Variants in SPOCK3 observed in about 807,000 individuals in gnomAD.
SPOCK3 encodes SPARC (osteonectin), cwcv and kazal like domains proteoglycan 3, also known as testican-3.
Under a neutral mutation model 56.6 loss-of-function variants are expected in SPOCK3, and 30 were observed. That is an observed-to-expected ratio of 0.53 (90% CI 0.40 to 0.72). SPOCK3 has a LOEUF of 0.72. SPOCK3 is among the 30% of genes least tolerant of loss of function. The pLI is 0.00. For synonymous variants in SPOCK3, 196 were observed against 183.3 expected, an observed-to-expected ratio of 1.07 and a Z score of -0.56; for missense variants, 527 against 530.0, an observed-to-expected ratio of 0.99 and a Z score of 0.06.
At chr4:166,903,166 T>A (rs1255215817) in intron 5 of SPOCK3, among the ~76,000 whole-genome samples, 2 of 148,188 alleles carry the variant, frequency 1.3e-5, no homozygotes, top group Non-Finnish European at 3.0e-5. Flanking sequence ...TTATTAAAAA[T>A]TAATAAATAT....
chr4:166,913,178 A>G (rs549410464), intron 4 of SPOCK3, among the ~76,000 whole-genome samples: 152 of 152,316 alleles, frequency 1.0e-3, no homozygotes, highest in African/African-American at 3.2e-3. Context: ...GCTTACTTTT[A>G]GAGAAAACAG....
intron 9 of SPOCK3, 130 bp downstream of exon 9, chr4:166,741,867 G>C (rs1734876779): frequency 3.0e-6 from 2 of 675,128 alleles, no homozygotes; most frequent in Admixed American, 2.6e-5. Flanking sequence ...CTTTCAAAAA[G>C]TTCATAAATT....
At chr4:166,925,942 A>G (rs978718610) in intron 4 of SPOCK3, among the ~76,000 whole-genome samples, 6 of 152,186 alleles carry the variant, frequency 3.9e-5, no homozygotes, top group Non-Finnish European at 7.4e-5. Context: ...CACTTTAAAC[A>G]AGTATGCAAA....
chr4:166,945,310 C>T (rs1741594051), intron 4 of SPOCK3, among the ~76,000 whole-genome samples: 1 of 152,022 alleles, frequency 6.6e-6, no homozygotes, highest in Admixed American at 6.6e-5. Flanking sequence ...ATATAAATAC[C>T]TATATTTGCA....
chr4:167,203,293 A>T (rs1733698282), intron 2 of SPOCK3, among the ~76,000 whole-genome samples: 1 of 152,024 alleles, frequency 6.6e-6, no homozygotes. Flanking sequence ...GCTTCTACAT[A>T]AACTTTCTAG....
At chr4:166,998,667 G>C in intron 4 of SPOCK3, among the ~76,000 whole-genome samples, 1 of 152,002 alleles carries the variant, frequency 6.6e-6, no homozygotes, top group Non-Finnish European at 1.5e-5. Context: ...CTTTGACTTG[G>C]GTTCACGGGG....
At chr4:166,862,426 C>A (rs1021476143) in intron 6 of SPOCK3, among the ~76,000 whole-genome samples, 1 of 151,992 alleles carries the variant, frequency 6.6e-6, no homozygotes, top group African/African-American at 2.4e-5. Flanking sequence ...TGGGCTCATA[C>A]ACAAGTGACA....
chr4:166,984,638 T>C (rs1379214747), intron 4 of SPOCK3, among the ~76,000 whole-genome samples: 1 of 152,054 alleles, frequency 6.6e-6, no homozygotes, highest in Non-Finnish European at 1.5e-5. Context: ...CAGCAGAAAC[T>C]GAATAAACAG....
chr4:166,920,417 T>A (rs904748941), intron 4 of SPOCK3, among the ~76,000 whole-genome samples: 4 of 152,168 alleles, frequency 2.6e-5, no homozygotes, highest in African/African-American at 4.8e-5. Flanking sequence ...ATTAACTAAC[T>A]AAGGTATGAA....
chr4:166,802,394 G>C (rs1471305208), intron 6 of SPOCK3, among the ~76,000 whole-genome samples: 1 of 152,142 alleles, frequency 6.6e-6, no homozygotes, highest in Admixed American at 6.6e-5. Flanking sequence ...CGTTTTGGCT[G>C]AGTGGCTTAT....
intron 3 of SPOCK3, among the ~76,000 whole-genome samples, chr4:167,061,561 G>A (rs1349825643): frequency 6.6e-6 from 1 of 151,880 alleles, no homozygotes; most frequent in Non-Finnish European, 1.5e-5. Flanking sequence ...CACTCATACA[G>A]CTTGGTTGTT....
intron 6 of SPOCK3, among the ~76,000 whole-genome samples, chr4:166,849,082 A>G (rs960779674): frequency 6.6e-6 from 1 of 152,226 alleles, no homozygotes; most frequent in Non-Finnish European, 1.5e-5. Context: ...AAATACATGA[A>G]TATCTAAAAC....
intron 7 of SPOCK3, among the ~76,000 whole-genome samples, chr4:166,777,915 C>T (rs1410342835): frequency 1.3e-5 from 2 of 152,068 alleles, no homozygotes; most frequent in Non-Finnish European, 1.5e-5. Flanking sequence ...AAGGCAAATA[C>T]TTATGCTTAA....
At chr4:166,872,270 A>C (rs896828107) in intron 6 of SPOCK3, among the ~76,000 whole-genome samples, 29 of 152,092 alleles carry the variant, frequency 1.9e-4, no homozygotes, top group Non-Finnish European at 2.1e-4. Flanking sequence ...ATATAGAGAA[A>C]TAAAATTATC....
At position 166,895,955 on chromosome 4, in the gene SPOCK3, C is replaced by T. The variant is rs142249587; in HGVS notation, c.475-6711G>A. 2.8e-3 allele frequency among the ~76,000 whole-genome samples: 423 copies of T among 152,204 alleles called. 1 individual carries two copies. The highest frequency in any genetic ancestry group is 9.8e-3 in the African/African-American group (408 of 41,526). ...CCATGATTTCCTGAGCCCTAAAATG[C>T]CCTCTGTTGACTCACTTCAAGAAAA... On this transcript the variant is annotated intron_variant, in intron 5 of 10. Coordinates refer to ENST00000357545, the MANE Select transcript of SPOCK3 (RefSeq NM_001040159.2).
chr4:166,792,213 A>T lies in SPOCK3; in HGVS notation c.666T>A (p.Ser222Arg). The change falls in exon 7 of 11, where the codon AGT (serine) becomes AGA (arginine). Residue 222 changes from serine to arginine, a missense_variant. Physicochemically the swap from Ser to Arg is moderately radical, Grantham distance 110. Coordinates refer to ENST00000357545, the MANE Select transcript of SPOCK3 (RefSeq NM_001040159.2). ...GCAATGTTTTTGTCTTCTTGTTTTGACTTCCACTTTCATGAAGGGCCTTGA... is the reference window on the plus strand; with the variant it reads ...GCAATGTTTTTGTCTTCTTGTTTTGTCTTCCACTTTCATGAAGGGCCTTGA... The part of the protein sequence containing the change: ...DWFKALHESG[S>R]QNKKTKTLLR... 6.2e-7 allele frequency: 1 copy of T among 1,613,854 alleles called. No individual in the cohort carries two copies.
chr4:166,998,532 A>G (rs1748624822), intron 4 of SPOCK3, among the ~76,000 whole-genome samples: 1 of 152,094 alleles, frequency 6.6e-6, no homozygotes, highest in Non-Finnish European at 1.5e-5. Context: ...GAAGCTCTGA[A>G]AATTTCTAGC....
intron 2 of SPOCK3, among the ~76,000 whole-genome samples, chr4:167,066,469 CAAAT>C (rs1756145614): frequency 6.6e-6 from 1 of 151,778 alleles, no homozygotes; most frequent in African/African-American, 2.4e-5. Flanking sequence ...TAAATAAAGA[CAAAT>C]GAATCAAAAT....
intron 6 of SPOCK3, among the ~76,000 whole-genome samples, chr4:166,852,588 A>C (rs910762961): frequency 6.6e-6 from 1 of 152,280 alleles, no homozygotes. Context: ...CCAACCATAG[A>C]GGGATTCTGT....
Sources: allele counts gnomAD v4.1 joint callset (sites outside exome capture counted in the v4.1 genomes callset), GRCh38; gene constraint gnomAD v4.1.1; transcripts MANE v1.5; gene names NCBI Gene and HGNC (gene_info 2026-07-23, HGNC 2026-07-21).